ROR1: variants seen among roughly 807,000 people sequenced by gnomAD.
The protein encoded by ROR1 is inactive tyrosine-protein kinase transmembrane receptor ROR1.
A neutral mutation model predicts 78.8 loss-of-function variants in ROR1; 19 were observed. The ratio of observed to expected loss-of-function variants is 0.24; its 90% confidence interval spans 0.17 to 0.35. The LOEUF is 0.35. Ranked by LOEUF, ROR1 falls within the 10% of genes least tolerant of loss-of-function variation. The pLI, the probability that ROR1 is intolerant of heterozygous loss-of-function variation, is 1.00. For synonymous variants in ROR1, 386 were observed against 433.6 expected (o/e 0.89, Z 1.36); for missense variants, 917 against 1,177.8 (o/e 0.78, Z 3.24).
intron 4 of ROR1, among the ~76,000 whole-genome samples, chr1:64,115,225 T>G (rs993359161): frequency 6.6e-6 from 1 of 151,902 alleles, no homozygotes; most frequent in Non-Finnish European, 1.5e-5. Flanking sequence ...GACACATTTC[T>G]TTATTTTTAT....
chr1:63,938,309 A>G (rs1645809530), intron 1 of ROR1, among the ~76,000 whole-genome samples: 1 of 152,212 alleles, frequency 6.6e-6, no homozygotes, highest in South Asian at 2.1e-4. Flanking sequence ...CATAGGTTAT[A>G]TGCAAATACT....
intron 4 of ROR1, among the ~76,000 whole-genome samples, chr1:64,059,811 C>G (rs1159819158): frequency 6.6e-6 from 1 of 152,040 alleles, no homozygotes. Context: ...TACCCTTTGC[C>G]AAGAGGTTTA....
chr1:63,902,582 C>G (rs928307269), intron 1 of ROR1, among the ~76,000 whole-genome samples: 4 of 152,148 alleles, frequency 2.6e-5, no homozygotes, highest in African/African-American at 9.7e-5. Context: ...CCTCAGCCCC[C>G]CAAAGTGCTG....
At chr1:64,172,774 A>G (rs1032270824) in intron 8 of ROR1, among the ~76,000 whole-genome samples, 3 of 152,126 alleles carry the variant, frequency 2.0e-5, no homozygotes, top group Admixed American at 6.6e-5. Flanking sequence ...TTATGACTTC[A>G]TTTTCTTTCA....
intron 8 of ROR1, among the ~76,000 whole-genome samples, chr1:64,168,189 C>T (rs1360869355): frequency 2.0e-5 from 3 of 152,214 alleles, no homozygotes; most frequent in Non-Finnish European, 4.4e-5. Context: ...ATTAGCAAGG[C>T]AGGCTCTGGT....
At chr1:63,820,397 G>A (rs994567398) in intron 1 of ROR1, among the ~76,000 whole-genome samples, 3 of 152,178 alleles carry the variant, frequency 2.0e-5, no homozygotes, top group Non-Finnish European at 4.4e-5. Context: ...CTGAAGTTGT[G>A]ATTGCACTGT....
At chr1:63,846,118 ATGTGTGTGTGTGTG>A (rs71056009) in intron 1 of ROR1, among the ~76,000 whole-genome samples, 8,581 of 136,312 alleles carry the variant, frequency 0.063, 609 homozygotes, top group African/African-American at 0.18. Flanking sequence ...GAGAGAGAGA[ATGTGTGTGTGTGTG>A]TGTGTGTGTG....
At chr1:63,828,153 G>C (rs1406977970) in intron 1 of ROR1, among the ~76,000 whole-genome samples, 2 of 152,134 alleles carry the variant, frequency 1.3e-5, no homozygotes, top group Admixed American at 6.6e-5. Context: ...CCTGTTGGTG[G>C]TCTTGGAGGA....
intron 1 of ROR1, among the ~76,000 whole-genome samples, chr1:63,943,737 A>C (rs17125844): frequency 0.023 from 3,557 of 152,260 alleles, 150 homozygotes; most frequent in African/African-American, 0.081. Context: ...CCTAATTTTC[A>C]CTTGTGATTT....
intron 8 of ROR1, among the ~76,000 whole-genome samples, chr1:64,166,577 G>A (rs984134207): frequency 6.6e-6 from 1 of 150,582 alleles, no homozygotes; most frequent in Admixed American, 6.6e-5. Context: ...CAAATGCTGT[G>A]CAAACATAGA....
chr1:64,029,907 A>G (rs531333463), intron 2 of ROR1, among the ~76,000 whole-genome samples: 1 of 152,272 alleles, frequency 6.6e-6, no homozygotes, highest in East Asian at 1.9e-4. Context: ...TTCCCAGCAT[A>G]AGCTTTCTGT....
At chr1:64,153,273 A>G (rs1041951050) in intron 7 of ROR1, among the ~76,000 whole-genome samples, 2 of 152,202 alleles carry the variant, frequency 1.3e-5, no homozygotes, top group African/African-American at 4.8e-5. Flanking sequence ...GCAAGTGTGA[A>G]GAAATTGGAA....
rs56230309 is a variant in ROR1, at chr1:63,943,093, TAAAAA to T, written c.92-66192_92-66188del. Among the ~76,000 whole-genome samples, 496 of 114,964 alleles carry T rather than the reference TAAAAA, an allele frequency of 4.3e-3. 6 individuals are homozygous for T. Among genetic ancestry groups the T allele is most frequent in the African/African-American group, 0.015 (416 of 28,450 alleles). 75.4% of individuals were successfully genotyped at this position (114,964 alleles called of 152,430 possible). ...GAGCAACAGAGCAAAACCCTGTCTT[TAAAAA>T]AAAAAAAAAAAAAAAAAAAGATTAA... On this transcript the variant is annotated intron_variant, in intron 1 of 8. Transcript: ENST00000371079.
In ROR1 at chr1:63,832,870, T is replaced by G. The variant is rs17125666; in HGVS notation, c.91+58362T>G. 0.01 allele frequency among the ~76,000 whole-genome samples: 1,579 copies of G among 152,286 alleles called. 38 individuals are homozygous for G. In the East Asian group the frequency reaches 0.12, roughly 11 times the overall value. On this transcript the variant is annotated intron_variant, in intron 1 of 8. Transcript: ENST00000371079. Reference sequence around the variant, plus strand: ...ACACACACCTGAAACATCTACCAGCTCCTCAGTTCACCAGGTGTGTTGAGT... The same window carrying G: ...ACACACACCTGAAACATCTACCAGCGCCTCAGTTCACCAGGTGTGTTGAGT...
intron 1 of ROR1, among the ~76,000 whole-genome samples, chr1:63,792,680 C>T (rs916773630): frequency 6.6e-6 from 1 of 152,192 alleles, no homozygotes; most frequent in South Asian, 2.1e-4. Context: ...CTGCAGGGCA[C>T]CATGAGAATA....
chr1:64,091,453 A>C lies in ROR1; in HGVS notation c.482+40737A>C, dbSNP rs560363185. Among the ~76,000 whole-genome samples the C allele has an allele frequency of 1.0e-3, 154 of 152,276 alleles. 1 individual carries two copies. The highest frequency in any genetic ancestry group is 3.6e-3 in the African/African-American group (150 of 41,562). ...TTCAGTATATTTGTAATCACATGTA[A>C]TAAGTGAGGTTGCTGATGTAGAGGA... On this transcript the variant is annotated intron_variant, in intron 4 of 8. Transcript: ENST00000371079.
At chr1:64,071,786 C>A (rs920394422) in intron 4 of ROR1, among the ~76,000 whole-genome samples, 1 of 152,136 alleles carries the variant, frequency 6.6e-6, no homozygotes, top group Non-Finnish European at 1.5e-5. Context: ...TAATCTTGGT[C>A]TCTTAGAATA....
intron 4 of ROR1, among the ~76,000 whole-genome samples, chr1:64,112,528 A>G (rs1487233026): frequency 6.6e-6 from 1 of 152,126 alleles, no homozygotes; most frequent in African/African-American, 2.4e-5. Context: ...GAGCCCTAAC[A>G]GTGTCTTAAT....
At chr1:64,002,890 T>C (rs1409862049) in intron 1 of ROR1, among the ~76,000 whole-genome samples, 1 of 152,170 alleles carries the variant, frequency 6.6e-6, no homozygotes, top group Non-Finnish European at 1.5e-5. Context: ...CCTCTGGGGC[T>C]GAAGGGGGTT....
Sources: gnomAD v4.1 joint callset for allele counts (sites outside exome capture counted in the v4.1 genomes callset) on GRCh38, gnomAD v4.1.1 for gene constraint, MANE v1.5 for transcripts, NCBI Gene and HGNC (gene_info 2026-07-23, HGNC 2026-07-21) for gene names.